The following CFAP299 variants were observed in gnomAD, a reference collection of about 807,000 sequenced individuals.
CFAP299 encodes cilia- and flagella-associated protein 299.
A neutral mutation model predicts 27.0 loss-of-function variants in CFAP299; 21 were observed. The observed-to-expected ratio is 0.78, with a 90% CI of 0.55 to 1.12. The LOEUF (loss-of-function observed/expected upper bound fraction) is 1.12. Ranked by LOEUF, CFAP299 falls within the 50% of genes most tolerant of loss-of-function variation. The pLI, the probability that CFAP299 is intolerant of heterozygous loss-of-function variation, is 0.00. For synonymous variants in CFAP299, 104 were observed against 98.1 expected (o/e 1.06, Z -0.36); for missense variants, 310 against 276.6 (o/e 1.12, Z -0.86).
chr4:80,348,683 C>T (rs1578340434), intron 1 of CFAP299, among the ~76,000 whole-genome samples: 3 of 152,116 alleles, frequency 2.0e-5, no homozygotes, highest in South Asian at 2.1e-4. Flanking sequence ...CCTTGCTGTT[C>T]GACCTTCAGA....
At chr4:80,657,212 G>A (rs1740601119) in intron 3 of CFAP299, among the ~76,000 whole-genome samples, 1 of 152,050 alleles carries the variant, frequency 6.6e-6, no homozygotes, top group Admixed American at 6.6e-5. Flanking sequence ...CTTTTGCTGT[G>A]CAGAAGTTCT....
intron 3 of CFAP299, among the ~76,000 whole-genome samples, chr4:80,720,192 AC>A (rs879585582): frequency 6.6e-6 from 1 of 151,706 alleles, no homozygotes; most frequent in Non-Finnish European, 1.5e-5. Context: ...TCTAAAGAGG[AC>A]CCCCCCTCAA....
rs114917508 is a variant in CFAP299, at chr4:80,616,130, T to C, written c.333+32947T>C. ...TTAATTGTATCACAGGCTGTTTCCA[T>C]GTAAGTTTTTGCTTCTGTCTTCCCA... On this transcript the variant is annotated intron_variant, in intron 3 of 5. Coordinates refer to ENST00000358105, the MANE Select transcript of CFAP299 (RefSeq NM_152770.3). Among the ~76,000 whole-genome samples, 1,005 of 152,268 alleles carry C rather than the reference T, an allele frequency of 6.6e-3. 12 individuals carry two copies. The highest frequency in any genetic ancestry group is 0.023 in the African/African-American group (958 of 41,552).
intron 3 of CFAP299, among the ~76,000 whole-genome samples, chr4:80,784,375 G>T (rs563020883): frequency 6.6e-6 from 1 of 152,034 alleles, no homozygotes; most frequent in Non-Finnish European, 1.5e-5. Flanking sequence ...TGTCTTTTGA[G>T]GATGCCCATC....
At chr4:80,858,572 T>A (rs1304251059) in intron 3 of CFAP299, among the ~76,000 whole-genome samples, 3 of 152,174 alleles carry the variant, frequency 2.0e-5, no homozygotes, top group Non-Finnish European at 2.9e-5. Flanking sequence ...CTCTACACAC[T>A]GCTTTGAATG....
At chr4:80,386,523 G>A (rs2867769) in intron 2 of CFAP299, 241,707 of 1,573,704 alleles carry the variant, frequency 0.15, 21,345 homozygotes, top group African/African-American at 0.37. Context: ...GGGGGGGGGG[G>A]GTGCCGCCGG....
chr4:80,516,616 A>C (rs1256128343), intron 2 of CFAP299, among the ~76,000 whole-genome samples: 1 of 152,174 alleles, frequency 6.6e-6, no homozygotes, highest in Non-Finnish European at 1.5e-5. Context: ...GTGCTAAACC[A>C]TTCATGAGGA....
chr4:80,691,061 A>G (rs1285312990), intron 3 of CFAP299, among the ~76,000 whole-genome samples: 25 of 123,434 alleles, frequency 2.0e-4, no homozygotes, highest in Non-Finnish European at 4.1e-4. Flanking sequence ...ATAGCTTACC[A>G]ACCAAAAAGA....
chr4:80,582,775 G>A (rs1427978340), intron 2 of CFAP299, among the ~76,000 whole-genome samples: 3 of 151,714 alleles, frequency 2.0e-5, no homozygotes, highest in Non-Finnish European at 4.4e-5. Flanking sequence ...TAAAATTTTT[G>A]TGAGAAGTGA....
intron 2 of CFAP299, among the ~76,000 whole-genome samples, chr4:80,520,234 T>C (rs6858262): frequency 0.35 from 53,068 of 152,022 alleles, 11,175 homozygotes; most frequent in African/African-American, 0.59. Context: ...ATAAGCCTGG[T>C]TTTAAAACAG....
chr4:80,937,423 C>T (rs1235711308), intron 4 of CFAP299, among the ~76,000 whole-genome samples: 1 of 146,118 alleles, frequency 6.8e-6, no homozygotes, highest in East Asian at 2.1e-4. Flanking sequence ...CTCAATCGAT[C>T]CTCCCACCTT....
At chr4:80,564,382 A>G (rs1735181372) in intron 2 of CFAP299, among the ~76,000 whole-genome samples, 1 of 152,070 alleles carries the variant, frequency 6.6e-6, no homozygotes, top group Non-Finnish European at 1.5e-5. Flanking sequence ...AACATATGCA[A>G]GTCAATCAAT....
chr4:80,365,018 TG>T (rs2110001607), intron 2 of CFAP299, among the ~76,000 whole-genome samples: 1 of 152,352 alleles, frequency 6.6e-6, no homozygotes, highest in South Asian at 2.1e-4. Flanking sequence ...GATGAGCATT[TG>T]GGTTGATTCA....
At chr4:80,640,919 G>A (rs1739692416) in intron 3 of CFAP299, among the ~76,000 whole-genome samples, 1 of 152,154 alleles carries the variant, frequency 6.6e-6, no homozygotes, top group Non-Finnish European at 1.5e-5. Flanking sequence ...CAGTGTACGT[G>A]TTAAGGTAAT....
chr4:80,719,745 C>T (rs1269341171), intron 3 of CFAP299, among the ~76,000 whole-genome samples: 4 of 152,144 alleles, frequency 2.6e-5, no homozygotes, highest in African/African-American at 9.7e-5. Context: ...CATCACTGGA[C>T]TGTTTGTGAG....
chr4:80,776,890 C>T (rs1225790114), intron 3 of CFAP299, among the ~76,000 whole-genome samples: 1 of 150,936 alleles, frequency 6.6e-6, no homozygotes, highest in Non-Finnish European at 1.5e-5. Flanking sequence ...AAAAAAAAAC[C>T]CTCTGGGACA....
intron 3 of CFAP299, among the ~76,000 whole-genome samples, chr4:80,854,589 A>G (rs970962763): frequency 3.3e-5 from 5 of 151,972 alleles, no homozygotes; most frequent in Non-Finnish European, 7.4e-5. Context: ...CTAGGTGCAG[A>G]TGGATCAGCA....
At chr4:80,448,218 G>C (rs1188920416) in intron 2 of CFAP299, among the ~76,000 whole-genome samples, 2 of 152,222 alleles carry the variant, frequency 1.3e-5, no homozygotes, top group Non-Finnish European at 1.5e-5. Context: ...CATGTCAGCA[G>C]CTGGGTTGTG....
At chr4:80,595,978 T>C (rs905642849) in intron 3 of CFAP299, among the ~76,000 whole-genome samples, 3 of 152,210 alleles carry the variant, frequency 2.0e-5, no homozygotes, top group Non-Finnish European at 2.9e-5. Flanking sequence ...GTTCCCATCA[T>C]ACCTATTAGT....
Sources: gnomAD v4.1 joint callset for allele counts (sites outside exome capture counted in the v4.1 genomes callset) on GRCh38, gnomAD v4.1.1 for gene constraint, MANE v1.5 for transcripts, NCBI Gene and HGNC (gene_info 2026-07-23, HGNC 2026-07-21) for gene names.